PTGS1: variants seen among roughly 807,000 people sequenced by gnomAD.
The protein encoded by PTGS1 is prostaglandin-endoperoxide synthase 1.
A neutral mutation model predicts 63.0 loss-of-function variants in PTGS1; 40 were observed. The observed-to-expected ratio is 0.63, with a 90% CI of 0.49 to 0.83. The LOEUF is 0.83. Among genes scored for constraint, PTGS1 ranks in the 40% least tolerant of loss-of-function variants. The pLI is 0.00. For synonymous variants in PTGS1, 298 were observed against 301.9 expected (o/e 0.99, Z 0.13); for missense variants, 709 against 786.5 (o/e 0.90, Z 1.18).
At chr9:122,374,202 G>A (rs1454043511) in intron 2 of PTGS1, among the ~76,000 whole-genome samples, 14 of 152,140 alleles carry the variant, frequency 9.2e-5, no homozygotes, top group Admixed American at 8.5e-4. Context: ...CTCTGCCTCC[G>A]CGTGTCTTGG....
Position 122,392,338 on chromosome 9 carries a change from G to C in PTGS1, c.1594G>C (p.Gly532Arg). The C allele has an allele frequency of 2.5e-6, 4 of 1,614,076 alleles. No homozygotes were observed. The highest frequency in any genetic ancestry group is 3.4e-6 in the Non-Finnish European group (4 of 1,180,008). The change falls in exon 11 of 11, where the codon GGT becomes CGT. Residue 532 changes from glycine to arginine, a missense_variant. Physicochemically the swap from Gly to Arg is moderately radical, Grantham distance 125. Coordinates refer to ENST00000362012, the MANE Select transcript of PTGS1 (RefSeq NM_000962.4). ...GATTGGGGCTCCCTTTTCCCTCAAG[G>C]GTCTCCTAGGGAATCCCATCTGTTC... ...IEIGAPFSLK[G>R]LLGNPICSPE...
intron 5 of PTGS1, 68 bp from the exon 6 acceptor site, chr9:122,381,303 C>T: frequency 6.6e-7 from 1 of 1,521,900 alleles, no homozygotes; most frequent in Non-Finnish European, 8.9e-7. Context: ...GCCTGGTGAG[C>T]CCAGATGTCC....
At chr9:122,385,396 T>C (rs1837814257) in intron 8 of PTGS1, among the ~76,000 whole-genome samples, 1 of 151,930 alleles carries the variant, frequency 6.6e-6, no homozygotes, top group South Asian at 2.1e-4. Context: ...CCACAGTCTG[T>C]AGCTCCAGGT....
At chr9:122,385,855 C>T (rs539794163) in intron 8 of PTGS1, among the ~76,000 whole-genome samples, 1 of 152,144 alleles carries the variant, frequency 6.6e-6, no homozygotes, top group South Asian at 2.1e-4. Context: ...TTTGCATGTC[C>T]TGCTTAGCTG....
In PTGS1 at chr9:122,393,898, C is replaced by A. The variant is rs1838433213; in HGVS notation, c.*1354C>A. 6.6e-6 allele frequency: 1 copy of A among 152,188 alleles called. No homozygotes were observed. Among genetic ancestry groups the A allele is most frequent in the Admixed American group, 6.5e-5 (1 of 15,280 alleles). The allele number at this position is 152,188 out of a possible 1,614,324, so 9.4% of individuals were successfully genotyped here. ...CTGATATTCAGGCTACTCATTCAGT[C>A]CCAAATATGTATTTTCCTAAGTGTT... is the stretch of plus-strand genomic sequence containing the variant. On this transcript the variant is annotated 3_prime_UTR_variant, in exon 11 of 11. Coordinates refer to ENST00000362012, the MANE Select transcript of PTGS1 (RefSeq NM_000962.4).
intron 10 of PTGS1, among the ~76,000 whole-genome samples, chr9:122,390,668 C>T (rs780550745): frequency 1.3e-5 from 2 of 152,064 alleles, no homozygotes; most frequent in Admixed American, 6.5e-5. Flanking sequence ...GAGGCTCAGG[C>T]GGGTGGATCA....
At chr9:122,392,068 A>C (rs768901002) in intron 10 of PTGS1, 121 bp from the exon 11 acceptor site, 2 of 804,208 alleles carry the variant, frequency 2.5e-6, no homozygotes, top group African/African-American at 3.5e-5. Flanking sequence ...CAGTTGCTCA[A>C]GTTAGTCTCC....
chr9:122,388,892 A>C (rs1346510704), intron 9 of PTGS1, among the ~76,000 whole-genome samples: 1 of 152,148 alleles, frequency 6.6e-6, no homozygotes, highest in Non-Finnish European at 1.5e-5. Context: ...TTCATTTCCA[A>C]ATAAGGATGC....
At position 122,371,093 on chromosome 9, in the gene PTGS1, T is replaced by C. The variant is rs1191236607; in HGVS notation, c.7+2T>C. ...ACCCCAGCAGCCGCGCCATGAGCCG[T>C]GAGTGCGACCCCGGTGCCCGGTGGG... is the stretch of plus-strand genomic sequence containing the variant. On this transcript the variant is annotated splice_donor_variant, in intron 1 of 10. Transcript: ENST00000362012. LOFTEE classifies it high-confidence loss of function. 1.2e-5 allele frequency: 19 copies of C among 1,601,662 alleles called. No homozygotes were observed. Among genetic ancestry groups the C allele is most frequent in the Admixed American group, 1.7e-5 (1 of 59,816 alleles).
At chr9:122,377,629 G>A (rs1837254313) in intron 2 of PTGS1, among the ~76,000 whole-genome samples, 1 of 152,160 alleles carries the variant, frequency 6.6e-6, no homozygotes, top group South Asian at 2.1e-4. Flanking sequence ...GTGGCAATAG[G>A]GAGGGAGGGG....
rs1256890779 is a variant in PTGS1 at position 122,395,344 on chromosome 9, G to C, written c.*2800G>C. On this transcript the variant is annotated 3_prime_UTR_variant, in exon 11 of 11. Coordinates refer to ENST00000362012, the MANE Select transcript of PTGS1 (RefSeq NM_000962.4). ...CATTTGTTCCTGGAGTTTTGATTTG[G>C]TGGATGTGATGGTTGGTTTTATTTG... 6.6e-6 allele frequency: 1 copy of C among 152,150 alleles called. No homozygotes were observed. Among genetic ancestry groups the C allele is most frequent in the African/African-American group, 2.4e-5 (1 of 41,424 alleles). 9.4% of individuals were successfully genotyped at this position (152,150 alleles called of 1,614,324 possible).
At position 122,392,298 on chromosome 9, in the gene PTGS1, G is replaced by C. The variant is rs756237235; in HGVS notation, c.1554G>C (p.Gly518=). 5.0e-6 allele frequency: 8 copies of C among 1,614,078 alleles called. No individual in the cohort carries two copies. Among genetic ancestry groups the C allele is most frequent in the Admixed American group, 1.7e-5 (1 of 60,022 alleles). ...LEKCHPNSIF[G]ESMIEIGAPF... is the part of the protein sequence containing the mutation. Reference sequence around the variant, plus strand: ...AGTGCCATCCAAACTCTATCTTTGGGGAGAGTATGATAGAGATTGGGGCTC... The same window carrying C: ...AGTGCCATCCAAACTCTATCTTTGGCGAGAGTATGATAGAGATTGGGGCTC... The change falls in exon 11 of 11, where the codon GGG becomes GGC. Residue 518 remains glycine, a synonymous_variant. Transcript: ENST00000362012.
intron 7 of PTGS1, among the ~76,000 whole-genome samples, chr9:122,381,981 G>T (rs1178701454): frequency 6.6e-6 from 1 of 152,188 alleles, no homozygotes; most frequent in Non-Finnish European, 1.5e-5. Context: ...GAGCTCAACA[G>T]GAGATGAACA....
At chr9:122,377,875 C>G (rs1452963052) in intron 2 of PTGS1, 24 bp from the exon 3 acceptor site, 1 of 1,606,384 alleles carries the variant, frequency 6.2e-7, no homozygotes, top group Admixed American at 1.7e-5. Context: ...AGCATGGTCT[C>G]TGACCTCCAT....
At chr9:122,384,467 A>C (rs1205006267) in intron 8 of PTGS1, among the ~76,000 whole-genome samples, 1 of 152,136 alleles carries the variant, frequency 6.6e-6, no homozygotes, top group Non-Finnish European at 1.5e-5. Context: ...CAGTCATTAG[A>C]GGGAAGAGGG....
intron 7 of PTGS1, 40 bp downstream of exon 7, chr9:122,381,787 C>CT: frequency 6.3e-7 from 1 of 1,581,996 alleles, no homozygotes; most frequent in Non-Finnish European, 8.7e-7. Context: ...GGAGGGGTCT[C>CT]CCATGGTCTT....
At chr9:122,387,699 T>C (rs1250057293) in intron 9 of PTGS1, among the ~76,000 whole-genome samples, 1 of 152,198 alleles carries the variant, frequency 6.6e-6, no homozygotes, top group African/African-American at 2.4e-5. Flanking sequence ...ACAGAGGAAA[T>C]AATTTCTATT....
Position 122,381,705 on chromosome 9 carries a change from G to A in PTGS1, c.720G>A (p.Gln240=), listed in dbSNP as rs199981651. The A allele has an allele frequency of 6.2e-7, 1 of 1,614,234 alleles. No homozygotes were observed. Among genetic ancestry groups the A allele is most frequent in the Non-Finnish European group, 8.5e-7 (1 of 1,180,046 alleles). Residue 240 remains glutamine, a synonymous_variant, in exon 7 of 11, where the codon CAG becomes CAA. Coordinates refer to ENST00000362012, the MANE Select transcript of PTGS1 (RefSeq NM_000962.4). ...GHIYGDNLER[Q]YQLRLFKDGK... is the part of the protein sequence containing the mutation. The stretch of plus-strand genomic sequence containing the variant: ...TTTATGGAGACAATCTGGAGCGTCA[G>A]TATCAACTGCGGCTCTTTAAGGATG...
intron 2 of PTGS1, among the ~76,000 whole-genome samples, chr9:122,374,510 GGACTCAAAGTGAATTA>G (rs1836999401): frequency 1.3e-5 from 2 of 152,100 alleles, no homozygotes; most frequent in Non-Finnish European, 2.9e-5. Flanking sequence ...TGAGTATGGG[GGACTCAAAGTGAATTA>G]GACTTGGTAC....
Sources: gnomAD v4.1 joint callset for allele counts (sites outside exome capture counted in the v4.1 genomes callset) on GRCh38, gnomAD v4.1.1 for gene constraint, MANE v1.5 for transcripts, NCBI Gene and HGNC (gene_info 2026-07-23, HGNC 2026-07-21) for gene names.